Variants in PNMA1 observed in about 807,000 individuals in gnomAD.
PNMA1 encodes the protein PNMA family member 1, also known as paraneoplastic antigen Ma1.
Under a neutral mutation model 26.1 loss-of-function variants are expected in PNMA1, and 21 were observed. The ratio of observed to expected loss-of-function variants is 0.80; its 90% confidence interval spans 0.57 to 1.16. The LOEUF (loss-of-function observed/expected upper bound fraction) is 1.16, where lower values mean the gene tolerates loss of function less well. PNMA1 is among the 50% of genes most tolerant of loss of function. PNMA1 has a pLI of 0.00. For missense variants in PNMA1, 435 were observed against 437.3 expected, an observed-to-expected ratio of 0.99 and a Z score of 0.05; for synonymous variants, 189 against 177.3, an observed-to-expected ratio of 1.07 and a Z score of -0.52.
chr14:73,712,676 AGAGG>A lies in PNMA1; in HGVS notation c.960_963del (p.Leu321PhefsTer26). On this transcript the variant is annotated frameshift_variant, in exon 1 of 1. Transcript: ENST00000316836. LOFTEE classifies it high-confidence loss of function. ...TCACGGATCTGCACCAGCAACTGAA[AGAGG>A]TTTGGGGCTGGCCCTTCCCCAGCCC... is the stretch of plus-strand genomic sequence containing the variant. 6.2e-7 allele frequency: 1 copy of A among 1,613,862 alleles called. No homozygotes were observed.
Position 73,712,220 on chromosome 14 carries a change from A to C in PNMA1, c.*358T>G. Reference sequence around the variant, plus strand: ...CTGTGAGCCAGGCCTCGTAGTAAACATCTGAACATGCAATTTCACATTCAG... The same window carrying C: ...CTGTGAGCCAGGCCTCGTAGTAAACCTCTGAACATGCAATTTCACATTCAG... On this transcript the variant is annotated 3_prime_UTR_variant, in exon 1 of 1. Coordinates refer to ENST00000316836, the MANE Select transcript of PNMA1 (RefSeq NM_006029.5). 9.2e-6 allele frequency: 2 copies of C among 217,676 alleles called. No homozygotes were observed. Among genetic ancestry groups the C allele is most frequent in the Non-Finnish European group, 1.8e-5 (2 of 110,150 alleles). The allele number at this position is 217,676 out of a possible 1,614,324, so 13.5% of individuals were successfully genotyped here. A position where few individuals can be genotyped will look rare whatever the true frequency, so the allele number is the denominator to read the frequency against.
chr14:73,713,482 C>A lies in PNMA1; in HGVS notation c.158G>T (p.Arg53Ile). Residue 53 changes from arginine (R) to isoleucine (I), a missense_variant, in exon 1 of 1, where the codon AGA becomes ATA. Arg to Ile is a moderately conservative substitution (Grantham distance 97, BLOSUM62 -3). Transcript: ENST00000316836. Reference sequence around the variant, plus strand: ...CGCATTTTCTTCCCTCCAGAACATTCTCCCAAGCATTCGGTAGGAGACCTG... The same window carrying A: ...CGCATTTTCTTCCCTCCAGAACATTATCCCAAGCATTCGGTAGGAGACCTG... The part of the protein sequence containing the change: ...MPQVSYRMLG[R>I]MFWREENAKA... 1 of 1,614,176 alleles carries A rather than the reference C, an allele frequency of 6.2e-7. No individual in the cohort carries two copies. Among genetic ancestry groups the A allele is most frequent in the Non-Finnish European group, 8.5e-7 (1 of 1,180,026 alleles).
In PNMA1 at chr14:73,712,638, CT is replaced by C; in HGVS notation, c.1001del (p.Lys334ArgfsTer14). 1 of 1,613,458 alleles carries C rather than the reference CT, an allele frequency of 6.2e-7. No individual in the cohort carries two copies. On this transcript the variant is annotated frameshift_variant, in exon 1 of 1. Coordinates refer to ENST00000316836, the MANE Select transcript of PNMA1 (RefSeq NM_006029.5). LOFTEE classifies it high-confidence loss of function. ...LLVQIREEEA[K>X]EEEEEAEATL... ...TGGCCTCAGCCTCCTCCTCCTCCTC[CT>C]TGGCTTCCTCCTCACGGATCTGCAC...
rs921603088 is a variant in PNMA1, at chr14:73,712,484, G to A, written c.*94C>T. ...AAACAACAAAACAGAACAAGGCTAA[G>A]CCTTTACTACTCAGAGACACATCTG... On this transcript the variant is annotated 3_prime_UTR_variant, in exon 1 of 1. Transcript: ENST00000316836. The A allele has an allele frequency of 2.4e-6, 2 of 848,312 alleles. No individual in the cohort carries two copies. The highest frequency in any genetic ancestry group is 2.4e-5 in the East Asian group (1 of 41,096). The allele number at this position is 848,312 out of a possible 1,614,324, so 52.5% of individuals were successfully genotyped here. A position where few individuals can be genotyped will look rare whatever the true frequency, so the allele number is the denominator to read the frequency against.
chr14:73,713,472 C>G lies in PNMA1; in HGVS notation c.168G>C (p.Trp56Cys). 6.2e-7 allele frequency: 1 copy of G among 1,614,192 alleles called. No individual in the cohort carries two copies. Among genetic ancestry groups the G allele is most frequent in the Non-Finnish European group, 8.5e-7 (1 of 1,180,030 alleles). Residue 56 changes from tryptophan to cysteine, a missense_variant, in exon 1 of 1, where the codon TGG becomes TGC. Transcript: ENST00000316836. ...VSYRMLGRMF[W>C]REENAKAALL... ...AGGCTGCTTTCGCATTTTCTTCCCT[C>G]CAGAACATTCTCCCAAGCATTCGGT...
chr14:73,713,478 C>T lies in PNMA1; in HGVS notation c.162G>A (p.Met54Ile), dbSNP rs1434295898. 1 of 1,614,216 alleles carries T rather than the reference C, an allele frequency of 6.2e-7. No homozygotes were observed. Among genetic ancestry groups the T allele is most frequent in the Non-Finnish European group, 8.5e-7 (1 of 1,180,032 alleles). ...CTTTCGCATTTTCTTCCCTCCAGAACATTCTCCCAAGCATTCGGTAGGAGA... is the reference window on the plus strand; with the variant it reads ...CTTTCGCATTTTCTTCCCTCCAGAATATTCTCCCAAGCATTCGGTAGGAGA... Reference protein sequence around the residue: ...PQVSYRMLGRMFWREENAKAA... With the variant: ...PQVSYRMLGRIFWREENAKAA... The change falls in exon 1 of 1, where the codon ATG becomes ATA. Residue 54 changes from methionine (M) to isoleucine (I), a missense_variant. By Grantham distance (10) the Met-to-Ile change is conservative (BLOSUM62 1). Coordinates refer to ENST00000316836, the MANE Select transcript of PNMA1 (RefSeq NM_006029.5).
chr14:73,711,919 A>G lies in PNMA1; in HGVS notation c.*659T>C, dbSNP rs2140079984. 6.6e-6 allele frequency: 1 copy of G among 152,366 alleles called. No individual in the cohort carries two copies. Among genetic ancestry groups the G allele is most frequent in the East Asian group, 1.9e-4 (1 of 5,194 alleles). The allele number at this position is 152,366 out of a possible 1,614,324, so 9.4% of individuals were successfully genotyped here. Reference sequence around the variant, plus strand: ...AGGTGCATATCAACCTCTCCATGCAATTTACATCTGTATCTTATGCAATGA... The same window carrying G: ...AGGTGCATATCAACCTCTCCATGCAGTTTACATCTGTATCTTATGCAATGA... On this transcript the variant is annotated 3_prime_UTR_variant, in exon 1 of 1. Transcript: ENST00000316836.
chr14:73,712,538 C>A lies in PNMA1; in HGVS notation c.*40G>T. 1 of 1,354,630 alleles carries A rather than the reference C, an allele frequency of 7.4e-7. No homozygotes were observed. 83.9% of individuals were successfully genotyped at this position (1,354,630 alleles called of 1,614,324 possible). A position where few individuals can be genotyped will look rare whatever the true frequency, so the allele number is the denominator to read the frequency against. On this transcript the variant is annotated 3_prime_UTR_variant, in exon 1 of 1. Transcript: ENST00000316836. ...GACCCCACAGGGACAAGAAAAGTAGCTGTGATCTAGGTCTGCACTAAAGCT... is the reference window on the plus strand; with the variant it reads ...GACCCCACAGGGACAAGAAAAGTAGATGTGATCTAGGTCTGCACTAAAGCT...
chr14:73,712,520 C>A lies in PNMA1; in HGVS notation c.*58G>T. 1 of 1,222,428 alleles carries A rather than the reference C, an allele frequency of 8.2e-7. No individual in the cohort carries two copies. The highest frequency in any genetic ancestry group is 1.1e-6 in the Non-Finnish European group (1 of 870,232). 75.7% of individuals were successfully genotyped at this position (1,222,428 alleles called of 1,614,324 possible). A position where few individuals can be genotyped will look rare whatever the true frequency, so the allele number is the denominator to read the frequency against. ...TCAGAGACACATCTGTAAGACCCCACAGGGACAAGAAAAGTAGCTGTGATC... is the reference window on the plus strand; with the variant it reads ...TCAGAGACACATCTGTAAGACCCCAAAGGGACAAGAAAAGTAGCTGTGATC... On this transcript the variant is annotated 3_prime_UTR_variant, in exon 1 of 1. Coordinates refer to ENST00000316836, the MANE Select transcript of PNMA1 (RefSeq NM_006029.5).
In PNMA1 at chr14:73,712,857, C is replaced by T. The variant is rs765078441; in HGVS notation, c.783G>A (p.Leu261=). 1.2e-5 allele frequency: 19 copies of T among 1,614,048 alleles called. No individual in the cohort carries two copies. The highest frequency in any genetic ancestry group is 9.9e-5 in the South Asian group (9 of 91,094). Residue 261 remains leucine, a synonymous_variant, in exon 1 of 1, where the codon TTG becomes TTA. Transcript: ENST00000316836. The part of the protein sequence containing the change: ...LNTYQNPGEK[L]SAYVIRLEPL... ...GCTCCAGACGAATGACATAAGCAGA[C>T]AATTTTTCTCCCGGGTTCTGATAAG...
At position 73,713,784 on chromosome 14, in the gene PNMA1, G is replaced by C; in HGVS notation, c.-145C>G. The C allele has an allele frequency of 4.0e-6, 3 of 742,624 alleles. No individual in the cohort carries two copies. The highest frequency in any genetic ancestry group is 3.7e-5 in the South Asian group (2 of 53,650). The allele number at this position is 742,624 out of a possible 1,614,324, so 46.0% of individuals were successfully genotyped here. A position where few individuals can be genotyped will look rare whatever the true frequency, so the allele number is the denominator to read the frequency against. On this transcript the variant is annotated 5_prime_UTR_variant, in exon 1 of 1. It adds an upstream start codon to the 5' untranslated region. Coordinates refer to ENST00000316836, the MANE Select transcript of PNMA1 (RefSeq NM_006029.5). ...TCACGATTAACAAAGACAGAGTCCT[G>C]ATCTCGCCCTTCTCTGCCCCCACAG...
In PNMA1 at chr14:73,712,203, C is replaced by A. The variant is rs1285057937; in HGVS notation, c.*375G>T. On this transcript the variant is annotated 3_prime_UTR_variant, in exon 1 of 1. Coordinates refer to ENST00000316836, the MANE Select transcript of PNMA1 (RefSeq NM_006029.5). Reference sequence around the variant, plus strand: ...CTTTTACTGAACACTTCCTGTGAGCCAGGCCTCGTAGTAAACATCTGAACA... The same window carrying A: ...CTTTTACTGAACACTTCCTGTGAGCAAGGCCTCGTAGTAAACATCTGAACA... The A allele has an allele frequency of 5.1e-6, 1 of 196,400 alleles. No homozygotes were observed. The highest frequency in any genetic ancestry group is 1.0e-5 in the Non-Finnish European group (1 of 97,146). 12.2% of individuals were successfully genotyped at this position (196,400 alleles called of 1,614,324 possible). A position where few individuals can be genotyped will look rare whatever the true frequency, so the allele number is the denominator to read the frequency against.
At position 73,712,943 on chromosome 14, in the gene PNMA1, G is replaced by A. The variant is rs1192343926; in HGVS notation, c.697C>T (p.Leu233Phe). The change falls in exon 1 of 1, where the codon CTT becomes TTT. Residue 233 changes from leucine (L) to phenylalanine (F), a missense_variant. Physicochemically the swap from Leu to Phe is conservative, Grantham distance 22. Transcript: ENST00000316836. Reference sequence around the variant, plus strand: ...TCAACGCTCCCAAACACCTGCTCAAGCGCCTTCAGGCATTCGGCAGTGGTT... The same window carrying A: ...TCAACGCTCCCAAACACCTGCTCAAACGCCTTCAGGCATTCGGCAGTGGTT... ...AITTAECLKA[L>F]EQVFGSVESS... 6.2e-7 allele frequency: 1 copy of A among 1,614,236 alleles called. No individual in the cohort carries two copies. Among genetic ancestry groups the A allele is most frequent in the Non-Finnish European group, 8.5e-7 (1 of 1,180,052 alleles).
rs1293982391 is a variant in PNMA1, at chr14:73,713,411, T to C, written c.229A>G (p.Ile77Val). ...ELTGAVDYAA[I>V]PREMPGKGGV... ...CCTTTGCCCGGCATCTCCCTGGGGA[T>C]CGCGGCGTAATCTACAGCGCCAGTG... Residue 77 changes from isoleucine to valine, a missense_variant, in exon 1 of 1, where the codon ATC becomes GTC. Physicochemically the swap from Ile to Val is conservative, Grantham distance 29 (BLOSUM62 3). Transcript: ENST00000316836. 1 of 1,614,152 alleles carries C rather than the reference T, an allele frequency of 6.2e-7. No individual in the cohort carries two copies. The highest frequency in any genetic ancestry group is 2.2e-5 in the East Asian group (1 of 44,882).
In PNMA1 at chr14:73,713,465, C is replaced by T; in HGVS notation, c.175G>A (p.Glu59Lys). Residue 59 changes from glutamate to lysine, a missense_variant, in exon 1 of 1, where the codon GAA becomes AAA. Physicochemically the swap from Glu to Lys is moderately conservative, Grantham distance 56 (BLOSUM62 1). Transcript: ENST00000316836. The stretch of plus-strand genomic sequence containing the variant: ...TCTAATAAGGCTGCTTTCGCATTTT[C>T]TTCCCTCCAGAACATTCTCCCAAGC... ...RMLGRMFWREENAKAALLELT... is the reference protein window; with the variant it reads ...RMLGRMFWREKNAKAALLELT... 1.2e-6 allele frequency: 2 copies of T among 1,614,194 alleles called. No individual in the cohort carries two copies. Among genetic ancestry groups the T allele is most frequent in the South Asian group, 2.2e-5 (2 of 91,072 alleles).
chr14:73,712,961 C>T lies in PNMA1; in HGVS notation c.679G>A (p.Ala227Thr). The T allele has an allele frequency of 6.2e-7, 1 of 1,614,222 alleles. No individual in the cohort carries two copies. The highest frequency in any genetic ancestry group is 2.2e-5 in the East Asian group (1 of 44,886). Reference sequence around the variant, plus strand: ...TGCTCAAGCGCCTTCAGGCATTCGGCAGTGGTTATCGCGGGGTTGTTGGAC... The same window carrying T: ...TGCTCAAGCGCCTTCAGGCATTCGGTAGTGGTTATCGCGGGGTTGTTGGAC... Reference protein sequence around the residue: ...LKSNNPAITTAECLKALEQVF... With the variant: ...LKSNNPAITTTECLKALEQVF... The change falls in exon 1 of 1, where the codon GCC becomes ACC. Residue 227 changes from alanine (A) to threonine (T), a missense_variant. Transcript: ENST00000316836.
rs558568508 is a variant in PNMA1, at chr14:73,712,345, A to G, written c.*233T>C. ...AAGCGCTGTGTCCAACCAACCCTTT[A>G]CCTGGCATTTTAGCCAGCAAGACCC... On this transcript the variant is annotated 3_prime_UTR_variant, in exon 1 of 1. Coordinates refer to ENST00000316836, the MANE Select transcript of PNMA1 (RefSeq NM_006029.5). 6.7e-4 allele frequency: 316 copies of G among 472,514 alleles called. 1 individual carries two copies. Among genetic ancestry groups the G allele is most frequent in the African/African-American group, 5.6e-3 (289 of 51,520 alleles). 29.3% of individuals were successfully genotyped at this position (472,514 alleles called of 1,614,324 possible). A position where few individuals can be genotyped will look rare whatever the true frequency, so the allele number is the denominator to read the frequency against.
In PNMA1 at chr14:73,712,730, T is replaced by G; in HGVS notation, c.910A>C (p.Ile304Leu). The part of the protein sequence containing the change: ...VIAGANHSGA[I>L]RRQLWLTGAG... ...CCGGTAAGCCACAGCTGCCTTCGGA[T>G]GGCCCCGCTGTGGTTGGCCCCGGCA... The change falls in exon 1 of 1, where the codon ATC becomes CTC. Residue 304 changes from isoleucine (I) to leucine (L), a missense_variant. Ile to Leu is a conservative substitution (Grantham distance 5, BLOSUM62 2). Coordinates refer to ENST00000316836, the MANE Select transcript of PNMA1 (RefSeq NM_006029.5). 1 of 1,614,188 alleles carries G rather than the reference T, an allele frequency of 6.2e-7. No individual in the cohort carries two copies. The highest frequency in any genetic ancestry group is 2.2e-5 in the East Asian group (1 of 44,894).
rs757737473 is a variant in PNMA1, at chr14:73,713,171, A to C, written c.469T>G (p.Trp157Gly). Residue 157 changes from tryptophan to glycine, a missense_variant, in exon 1 of 1, where the codon TGG becomes GGG. By Grantham distance (184) the Trp-to-Gly change is radical. Coordinates refer to ENST00000316836, the MANE Select transcript of PNMA1 (RefSeq NM_006029.5). ...NVIQPLVESI[W>G]YKRLTLFSGR... The stretch of plus-strand genomic sequence containing the variant: ...GAGAAAAGTGTCAGCCTCTTGTACC[A>C]TATGGACTCAACAAGAGGCTGAATA... 5.6e-6 allele frequency: 9 copies of C among 1,613,890 alleles called. No individual in the cohort carries two copies. The highest frequency in any genetic ancestry group is 6.8e-6 in the Non-Finnish European group (8 of 1,179,982).
Sources: gnomAD v4.1 joint callset for allele counts on GRCh38, gnomAD v4.1.1 for gene constraint, MANE v1.5 for transcripts, NCBI Gene and HGNC (gene_info 2026-07-23, HGNC 2026-07-21) for gene names.